PIP4K2A: variants seen among roughly 807,000 people sequenced by gnomAD.
PIP4K2A encodes the protein phosphatidylinositol 5-phosphate 4-kinase type-2 alpha.
In PIP4K2A, 14 loss-of-function variants were observed where a neutral mutation model predicts 42.9. The ratio of observed to expected loss-of-function variants is 0.33; its 90% CI spans 0.22 to 0.51. The LOEUF (loss-of-function observed/expected upper bound fraction) is 0.51, where lower values mean the gene tolerates loss of function less well. Among genes scored for constraint, PIP4K2A ranks in the 20% least tolerant of loss-of-function variants. PIP4K2A has a pLI of 0.97. For synonymous variants in PIP4K2A, 192 were observed against 192.2 expected, an observed-to-expected ratio of 1.00 and a Z score of 0.01; for missense variants, 434 against 519.8, an observed-to-expected ratio of 0.83 and a Z score of 1.61.
chr10:22,600,349 C>A (rs762083209), intron 3 of PIP4K2A, among the ~76,000 whole-genome samples: 4 of 152,058 alleles, frequency 2.6e-5, no homozygotes, highest in Admixed American at 2.0e-4. Flanking sequence ...ATGCCAATAC[C>A]GTGCAGAACT....
At chr10:22,621,673 G>A (rs1309588975) in intron 1 of PIP4K2A, among the ~76,000 whole-genome samples, 1 of 152,204 alleles carries the variant, frequency 6.6e-6, no homozygotes, top group Non-Finnish European at 1.5e-5. Flanking sequence ...GAAAAAGTAA[G>A]CAGTGAGTGA....
chr10:22,554,062 G>C (rs1361537017), intron 6 of PIP4K2A, among the ~76,000 whole-genome samples: 1 of 151,932 alleles, frequency 6.6e-6, no homozygotes, highest in African/African-American at 2.4e-5. Flanking sequence ...GATCGCTTGA[G>C]CCCGGGAGGT....
chr10:22,552,596 A>C (rs1241373181), intron 6 of PIP4K2A, among the ~76,000 whole-genome samples: 1 of 152,226 alleles, frequency 6.6e-6, no homozygotes, highest in East Asian at 1.9e-4. Context: ...TTCACCAAGA[A>C]TGAAATGCAA....
chr10:22,575,357 G>A (rs1837086252), intron 4 of PIP4K2A, among the ~76,000 whole-genome samples: 1 of 152,084 alleles, frequency 6.6e-6, no homozygotes, highest in Non-Finnish European at 1.5e-5. Context: ...ACCGATTTTG[G>A]TTTTGCTGCT....
chr10:22,541,013 T>C (rs1420260614), intron 8 of PIP4K2A, among the ~76,000 whole-genome samples: 2 of 152,236 alleles, frequency 1.3e-5, no homozygotes, highest in Non-Finnish European at 2.9e-5. Context: ...AAAAAACAAC[T>C]GATGAGCCAC....
chr10:22,567,914 A>T (rs1836887720), intron 5 of PIP4K2A, 25 bp from the exon 6 acceptor site: 1 of 1,609,556 alleles, frequency 6.2e-7, no homozygotes, highest in Non-Finnish European at 8.5e-7. Context: ...AATAATAAAA[A>T]CATGCGCATG....
rs1191249616 is a variant in PIP4K2A, at chr10:22,661,386, T to C, written c.145-51669A>G. Among the ~76,000 whole-genome samples, 5 of 149,268 alleles carry C rather than the reference T, an allele frequency of 3.3e-5. No homozygotes were observed. The South Asian group carries it at 1.1e-3, about 32-fold the overall frequency. On this transcript the variant is annotated intron_variant, in intron 1 of 9. Coordinates refer to ENST00000376573, the MANE Select transcript of PIP4K2A (RefSeq NM_005028.5). Reference sequence around the variant, plus strand: ...TTTTTTTTTTTTAAGAGATGGGGTCTTGTTCTGTCGCTCGGGCTGGAGTGC... The same window carrying C: ...TTTTTTTTTTTTAAGAGATGGGGTCCTGTTCTGTCGCTCGGGCTGGAGTGC...
chr10:22,706,223 T>C (rs1475856923), intron 1 of PIP4K2A, among the ~76,000 whole-genome samples: 1 of 152,114 alleles, frequency 6.6e-6, no homozygotes, highest in African/African-American at 2.4e-5. Context: ...GGAGATTCTA[T>C]CTAATCCTCA....
chr10:22,539,902 AGAGAGAGAGG>A (rs1394215549), intron 9 of PIP4K2A, 59 bp downstream of exon 9: 42,546 of 543,830 alleles, frequency 0.078, 639 homozygotes, highest in Admixed American at 0.14. Context: ...AGAGAGAGAG[AGAGAGAGAGG>A]GAGAGAGAGA....
Position 22,536,750 on chromosome 10 carries a change from TTTG to T in PIP4K2A, c.*448_*450del, listed in dbSNP as rs1181418726. 1 of 85,468 alleles carries T rather than the reference TTTG, an allele frequency of 1.2e-5. No homozygotes were observed. Among genetic ancestry groups the T allele is most frequent in the Non-Finnish European group, 2.8e-5 (1 of 35,570 alleles). 5.3% of individuals were successfully genotyped at this position (85,468 alleles called of 1,614,324 possible). A position where few individuals can be genotyped will look rare whatever the true frequency, so the allele number is the denominator to read the frequency against. ...AAAAAAAAAAAAAACTGATCCACAG[TTTG>T]TTGTGTGATGCCAACACGGTGCCTG... On this transcript the variant is annotated 3_prime_UTR_variant, in exon 10 of 10. Transcript: ENST00000376573.
Position 22,714,438 on chromosome 10 carries a change from CCGCGCTCCGCTCCGCCCGCCGCCGCCGG to C in PIP4K2A, c.-140_-113del. The C allele has an allele frequency of 4.6e-6, 3 of 651,262 alleles. No homozygotes were observed. Among genetic ancestry groups the C allele is most frequent in the Non-Finnish European group, 5.8e-6 (3 of 518,660 alleles). 40.3% of individuals were successfully genotyped at this position (651,262 alleles called of 1,614,324 possible). On this transcript the variant is annotated 5_prime_UTR_variant, in exon 1 of 10. Transcript: ENST00000376573. ...TCCCCCCGGCGGCGGCCCCGGCGCGCCGCGCTCCGCTCCGCCCGCCGCCGCCGGCGCGCTCAGCCCCACTCGGCTCGCT... is the reference window on the plus strand; with the variant it reads ...TCCCCCCGGCGGCGGCCCCGGCGCGCCGCGCTCAGCCCCACTCGGCTCGCT...
At chr10:22,672,884 A>T (rs1280234506) in intron 1 of PIP4K2A, among the ~76,000 whole-genome samples, 1 of 152,224 alleles carries the variant, frequency 6.6e-6, no homozygotes, top group Non-Finnish European at 1.5e-5. Context: ...TTCTCCAACA[A>T]GCAGCAATAT....
intron 3 of PIP4K2A, among the ~76,000 whole-genome samples, chr10:22,607,044 T>C (rs1001322999): frequency 2.0e-5 from 3 of 152,246 alleles, no homozygotes; most frequent in Non-Finnish European, 2.9e-5. Flanking sequence ...TGTGGAATTT[T>C]CCACTTGTGG....
intron 1 of PIP4K2A, among the ~76,000 whole-genome samples, chr10:22,646,710 A>C (rs1298848466): frequency 2.0e-5 from 3 of 152,224 alleles, no homozygotes; most frequent in Non-Finnish European, 2.9e-5. Flanking sequence ...AAGGCAAGCC[A>C]AAGTGGGCCC....
Position 22,714,316 on chromosome 10 carries a change from G to T in PIP4K2A, c.11C>A (p.Pro4His), listed in dbSNP as rs763660754. Residue 4 changes from proline (P) to histidine (H), a missense_variant, in exon 1 of 10, where the codon CCC (proline) becomes CAC (histidine). Physicochemically the swap from Pro to His is moderately conservative, Grantham distance 77 (BLOSUM62 -2). This residue lies in a region of PIP4K2A where 395 missense variants were observed against 444.5 expected (regional missense o/e 0.89). Coordinates refer to ENST00000376573, the MANE Select transcript of PIP4K2A (RefSeq NM_005028.5). ...CAGGACAGAGGACCCTAGGTTGCCG[G>T]GGGTCGCCATGGCCGCCTCCTATGT... is the stretch of plus-strand genomic sequence containing the variant. The part of the protein sequence containing the change: MAT[P>H]GNLGSSVLAS... 4.4e-6 allele frequency: 7 copies of T among 1,605,172 alleles called. No homozygotes were observed. The highest frequency in any genetic ancestry group is 6.0e-6 in the Non-Finnish European group (7 of 1,175,798).
At chr10:22,575,413 C>T (rs1837088695) in intron 4 of PIP4K2A, among the ~76,000 whole-genome samples, 1 of 152,172 alleles carries the variant, frequency 6.6e-6, no homozygotes, top group Non-Finnish European at 1.5e-5. Flanking sequence ...TACAGAATCC[C>T]GCCATTCCTC....
intron 1 of PIP4K2A, among the ~76,000 whole-genome samples, chr10:22,709,538 G>C (rs1450161157): frequency 1.3e-5 from 2 of 152,138 alleles, no homozygotes; most frequent in African/African-American, 4.8e-5. Context: ...TCAACTTAAG[G>C]CAGATTTTGG....
intron 1 of PIP4K2A, among the ~76,000 whole-genome samples, chr10:22,698,489 AAG>A (rs1840012788): frequency 1.3e-5 from 2 of 152,222 alleles, no homozygotes; most frequent in African/African-American, 2.4e-5. Context: ...CTAAATAAGA[AAG>A]AGTTTCATAC....
chr10:22,549,799 C>T (rs1278761022), intron 7 of PIP4K2A, among the ~76,000 whole-genome samples: 2 of 120,166 alleles, frequency 1.7e-5, no homozygotes, highest in African/African-American at 6.4e-5. Flanking sequence ...CGAGATCGCG[C>T]CACTGCACTC....
Sources: gnomAD v4.1 joint callset for allele counts (sites outside exome capture counted in the v4.1 genomes callset) on GRCh38, gnomAD v4.1.1 for gene constraint, gnomAD v4.1.1 regional missense constraint, MANE v1.5 for transcripts, NCBI Gene and HGNC (gene_info 2026-07-23, HGNC 2026-07-21) for gene names.